Variants in NEMP2 observed in about 807,000 individuals in gnomAD.
The protein encoded by NEMP2 is UPF0571 transmembrane protein.
In NEMP2, 53 loss-of-function variants were observed where a neutral mutation model predicts 54.2. That is an observed-to-expected ratio of 0.98 (90% CI 0.78 to 1.23). The LOEUF (loss-of-function observed/expected upper bound fraction) is 1.23. NEMP2 is among the 50% of genes most tolerant of loss of function. The pLI is 0.00. For synonymous variants in NEMP2, 197 were observed against 190.3 expected (o/e 1.04, Z -0.29); for missense variants, 455 against 511.3 (o/e 0.89, Z 1.06).
the NEMP2 span, among the ~76,000 whole-genome samples, chr2:190,632,243 T>C: frequency 1.3e-5 from 2 of 152,198 alleles, no homozygotes; most frequent in Non-Finnish European, 1.5e-5. The surrounding 1 kb of genome is among the most constrained non-coding windows in gnomAD (Gnocchi z 4.8). Context: ...TCCTGCATGG[T>C]CCATGCTGTG....
chr2:190,547,829 C>A, the NEMP2 span, among the ~76,000 whole-genome samples: 6 of 152,166 alleles, frequency 3.9e-5, no homozygotes, highest in Middle Eastern at 6.8e-3. The surrounding 1 kb of genome is among the most constrained non-coding windows in gnomAD (Gnocchi z 6.2). Context: ...AGCCACCGTG[C>A]CCATCCACAA....
chr2:190,620,003 G>C, the NEMP2 span, among the ~76,000 whole-genome samples: 1 of 152,174 alleles, frequency 6.6e-6, no homozygotes, highest in Non-Finnish European at 1.5e-5. The surrounding 1 kb of genome is among the most constrained non-coding windows in gnomAD (Gnocchi z 4.9). Context: ...CTTAGCACCT[G>C]GTGGTTCTTA....
At chr2:190,440,597 G>T in the NEMP2 span, among the ~76,000 whole-genome samples, 5 of 152,208 alleles carry the variant, frequency 3.3e-5, no homozygotes, top group South Asian at 8.3e-4. Flanking sequence ...TAAATCATTT[G>T]TAAATTTGTA....
chr2:190,422,553 A>C, the NEMP2 span, among the ~76,000 whole-genome samples: 1 of 152,178 alleles, frequency 6.6e-6, no homozygotes, highest in Non-Finnish European at 1.5e-5. Flanking sequence ...GATTGTGATG[A>C]TGTTGTTGAG....
chr2:190,463,405 A>G, the NEMP2 span, among the ~76,000 whole-genome samples: 1 of 152,210 alleles, frequency 6.6e-6, no homozygotes, highest in African/African-American at 2.4e-5. This position sits in a 1 kb window ranked among gnomAD's most constrained non-coding sequence, Gnocchi z 4.4. Context: ...GCTTGTGCTG[A>G]GCACAGGAGT....
the NEMP2 span, among the ~76,000 whole-genome samples, chr2:190,577,468 AAGGACCC>A: frequency 6.6e-6 from 1 of 152,198 alleles, no homozygotes; most frequent in Admixed American, 6.5e-5. This position sits in a 1 kb window ranked among gnomAD's most constrained non-coding sequence, Gnocchi z 4.8. Context: ...GGAATGATTA[AAGGACCC>A]TCATTTTTCT....
rs1276571759 is a variant in NEMP2, at chr2:190,529,780, A to C, written c.98-4402T>G. Among the ~76,000 whole-genome samples, 3 of 152,184 alleles carry C rather than the reference A, an allele frequency of 2.0e-5. No homozygotes were observed. Among genetic ancestry groups the C allele is most frequent in the Non-Finnish European group, 4.4e-5 (3 of 68,036 alleles). On this transcript the variant is annotated intron_variant, in intron 1 of 8. Coordinates refer to ENST00000409150, the MANE Select transcript of NEMP2 (RefSeq NM_001142645.2). This position sits in a 1 kb window ranked among gnomAD's most constrained non-coding sequence, Gnocchi z 4.7. ...CCTGGCCAGGAATAGTCAGCACCGTAAAAGAAGGTGCACTCTGGCCCTCCC... is the reference window on the plus strand; with the variant it reads ...CCTGGCCAGGAATAGTCAGCACCGTCAAAGAAGGTGCACTCTGGCCCTCCC...
chr2:190,474,410 A>G, the NEMP2 span, among the ~76,000 whole-genome samples: 5 of 152,372 alleles, frequency 3.3e-5, no homozygotes, highest in South Asian at 1.0e-3. Flanking sequence ...CAGAAATACA[A>G]ACTACCATCA....
rs914110426 is a variant in NEMP2, at chr2:190,531,429, T to C, written c.97+3130A>G. On this transcript the variant is annotated intron_variant, in intron 1 of 8. Coordinates refer to ENST00000409150, the MANE Select transcript of NEMP2 (RefSeq NM_001142645.2). The surrounding 1 kb of genome is among the most constrained non-coding windows in gnomAD (Gnocchi z 4.7). ...AAGCCTGGAAGGGCATCATTTTCCT[T>C]AACTTCTTGCAATCCTCAGCAGGCT... is the stretch of plus-strand genomic sequence containing the variant. 2.6e-5 allele frequency among the ~76,000 whole-genome samples: 4 copies of C among 152,240 alleles called. No homozygotes were observed. Among genetic ancestry groups the C allele is most frequent in the Admixed American group, 2.6e-4 (4 of 15,294 alleles).
At chr2:190,585,373 T>C in the NEMP2 span, among the ~76,000 whole-genome samples, 1 of 152,228 alleles carries the variant, frequency 6.6e-6, no homozygotes, top group African/African-American at 2.4e-5. The surrounding 1 kb of genome is among the most constrained non-coding windows in gnomAD (Gnocchi z 5.3). Flanking sequence ...AGGATTTGAA[T>C]ATGTTCTCAC....
At chr2:190,536,104 A>G (rs912009736), upstream of NEMP2, 2 of 152,258 alleles carry the variant, frequency 1.3e-5, no homozygotes, top group Admixed American at 1.3e-4. Flanking sequence ...TCCTTAGTAA[A>G]TATCTGTAAA....
the NEMP2 span, chr2:190,497,751 C>T: frequency 4.4e-6 from 7 of 1,588,684 alleles, no homozygotes; most frequent in East Asian, 1.6e-4. This position sits in a 1 kb window ranked among gnomAD's most constrained non-coding sequence, Gnocchi z 5.2. Context: ...AGCAATATTA[C>T]CTGTCACTCA....
At chr2:190,595,176 G>T in the NEMP2 span, among the ~76,000 whole-genome samples, 1 of 152,194 alleles carries the variant, frequency 6.6e-6, no homozygotes, top group South Asian at 2.1e-4. The surrounding 1 kb of genome is among the most constrained non-coding windows in gnomAD (Gnocchi z 4.0). Context: ...TTTAATAAAT[G>T]GTGTTGGGAA....
chr2:190,599,766 C>A, the NEMP2 span, among the ~76,000 whole-genome samples: 7 of 152,122 alleles, frequency 4.6e-5, no homozygotes, highest in African/African-American at 1.7e-4. Flanking sequence ...GTGTCTGTTA[C>A]CTATAGCAGG....
chr2:190,633,954 T>C, the NEMP2 span, among the ~76,000 whole-genome samples: 1 of 151,978 alleles, frequency 6.6e-6, no homozygotes, highest in South Asian at 2.1e-4. Context: ...TGCCTATAGT[T>C]GTAGCTATTC....
the NEMP2 span, among the ~76,000 whole-genome samples, chr2:190,440,662 T>A: frequency 1.3e-5 from 2 of 152,232 alleles, no homozygotes; most frequent in East Asian, 3.8e-4. Flanking sequence ...TTAAATTTAT[T>A]TACATTTTAA....
At chr2:190,597,653 C>G in the NEMP2 span, among the ~76,000 whole-genome samples, 1 of 152,308 alleles carries the variant, frequency 6.6e-6, no homozygotes, top group East Asian at 1.9e-4. The surrounding 1 kb of genome is among the most constrained non-coding windows in gnomAD (Gnocchi z 4.7). Context: ...GTGCCCAACA[C>G]AGTAGTTGCG....
chr2:190,478,373 G>A, the NEMP2 span, among the ~76,000 whole-genome samples: 1 of 152,042 alleles, frequency 6.6e-6, no homozygotes, highest in African/African-American at 2.4e-5. Flanking sequence ...TGAGTATTTT[G>A]ACTGCACAAC....
the NEMP2 span, among the ~76,000 whole-genome samples, chr2:190,603,021 T>C: frequency 1.3e-5 from 2 of 152,188 alleles, no homozygotes; most frequent in Admixed American, 6.5e-5. Flanking sequence ...ATTAGCTTGA[T>C]TTAAACCACT....
Sources: allele counts gnomAD v4.1 joint callset (sites outside exome capture counted in the v4.1 genomes callset), GRCh38; gene constraint gnomAD v4.1.1; non-coding constraint Gnocchi (gnomAD v3.1); transcripts MANE v1.5; gene names NCBI Gene and HGNC (gene_info 2026-07-23, HGNC 2026-07-21).